The following OPCML variants were observed in gnomAD, a reference collection of about 807,000 sequenced individuals.
The protein encoded by OPCML is opioid binding protein/cell adhesion molecule like.
In OPCML, 13 loss-of-function variants were observed where a neutral mutation model predicts 37.8. The observed-to-expected ratio is 0.34, with a 90% CI of 0.22 to 0.55. OPCML has a LOEUF of 0.55. Among genes scored for constraint, OPCML ranks in the 20% least tolerant of loss-of-function variants. The pLI, the probability that OPCML is intolerant of heterozygous loss-of-function variation, is 0.91. For synonymous variants in OPCML, 176 were observed against 168.8 expected (o/e 1.04, Z -0.33); for missense variants, 341 against 435.6 (o/e 0.78, Z 1.93).
intron 1 of OPCML, among the ~76,000 whole-genome samples, chr11:133,386,405 T>C (rs1945053495): frequency 6.6e-6 from 1 of 152,154 alleles, no homozygotes. Flanking sequence ...TAGTGTACCA[T>C]AAACAATTTG....
intron 1 of OPCML, among the ~76,000 whole-genome samples, chr11:133,294,659 G>T (rs1007894222): frequency 4.6e-5 from 7 of 151,988 alleles, no homozygotes; most frequent in African/African-American, 1.7e-4. Flanking sequence ...AATATAATGT[G>T]CTATGGCTTC....
In OPCML at chr11:132,427,593, A is replaced by T. The variant is rs538785960; in HGVS notation, c.917-7300T>A. Reference sequence around the variant, plus strand: ...ATCTTTCTTCTGTTCTCCTTAACACACCCTGTTTTGTGCTTACTACAAAAA... The same window carrying T: ...ATCTTTCTTCTGTTCTCCTTAACACTCCCTGTTTTGTGCTTACTACAAAAA... On this transcript the variant is annotated intron_variant, in intron 7 of 7. Transcript: ENST00000524381. Among the ~76,000 whole-genome samples the T allele has an allele frequency of 6.6e-5, 10 of 152,258 alleles. No homozygotes were observed. In the East Asian group the frequency reaches 1.2e-3, roughly 18 times the overall value.
intron 2 of OPCML, among the ~76,000 whole-genome samples, chr11:132,830,271 C>T (rs1454716955): frequency 1.3e-5 from 2 of 152,186 alleles, no homozygotes; most frequent in East Asian, 3.8e-4. Flanking sequence ...ACCATGCCAA[C>T]TTCTCTGAGC....
intron 2 of OPCML, among the ~76,000 whole-genome samples, chr11:132,836,207 A>G (rs1225991477): frequency 6.6e-6 from 1 of 152,248 alleles, no homozygotes; most frequent in Non-Finnish European, 1.5e-5. Context: ...TGTCTAATCC[A>G]CAGATAAACA....
chr11:133,021,536 G>A (rs1310089953), intron 1 of OPCML, among the ~76,000 whole-genome samples: 3 of 152,122 alleles, frequency 2.0e-5, no homozygotes, highest in African/African-American at 4.8e-5. Flanking sequence ...GCTGGAGACA[G>A]GATAATCAAG....
At chr11:133,520,182 G>C (rs906113145) in intron 1 of OPCML, among the ~76,000 whole-genome samples, 1 of 152,082 alleles carries the variant, frequency 6.6e-6, no homozygotes, top group Non-Finnish European at 1.5e-5. Flanking sequence ...GCGGACTTTT[G>C]CTGCCCAGAA....
intron 2 of OPCML, among the ~76,000 whole-genome samples, chr11:132,936,053 G>A (rs893463651): frequency 6.6e-5 from 10 of 152,144 alleles, no homozygotes; most frequent in South Asian, 2.1e-4. Context: ...TGTTTGCAGC[G>A]TGCACCATTT....
At chr11:132,544,220 G>GAA (rs138080916) in intron 3 of OPCML, among the ~76,000 whole-genome samples, 5 of 148,404 alleles carry the variant, frequency 3.4e-5, no homozygotes, top group Admixed American at 6.7e-5. Flanking sequence ...TAAAGCACGT[G>GAA]AAAAAAAAAA....
intron 1 of OPCML, among the ~76,000 whole-genome samples, chr11:133,171,207 G>A (rs1950284345): frequency 6.6e-6 from 1 of 152,216 alleles, no homozygotes; most frequent in South Asian, 2.1e-4. Context: ...TTCTGTGGCT[G>A]CAAAAGCACC....
rs747453885 is a variant in OPCML, at chr11:132,657,262, G to A, written c.204C>T (p.Leu68=). ...RVAWLNRSTI[L]YAGNDKWSID... ...TGGACCACTTGTCATTCCCAGCGTA[G>A]AGGATGGTGCTGCGGTTTAGCCAGG... Residue 68 remains leucine, a synonymous_variant, in exon 3 of 8, where the codon CTC becomes CTT. Transcript: ENST00000524381. The A allele has an allele frequency of 6.2e-7, 1 of 1,614,260 alleles. No homozygotes were observed. Among genetic ancestry groups the A allele is most frequent in the Non-Finnish European group, 8.5e-7 (1 of 1,180,052 alleles).
intron 1 of OPCML, among the ~76,000 whole-genome samples, chr11:133,323,389 A>C (rs542983900): frequency 6.6e-6 from 1 of 152,352 alleles, no homozygotes; most frequent in South Asian, 2.1e-4. Flanking sequence ...AATGAAACAA[A>C]TCTGAATGTA....
chr11:133,359,011 T>G (rs761766756), intron 1 of OPCML, among the ~76,000 whole-genome samples: 1 of 152,094 alleles, frequency 6.6e-6, no homozygotes, highest in Non-Finnish European at 1.5e-5. Context: ...GGGGGCCTAC[T>G]GATTGTGGCA....
At chr11:133,185,468 C>T (rs1938028723) in intron 1 of OPCML, among the ~76,000 whole-genome samples, 1 of 152,110 alleles carries the variant, frequency 6.6e-6, no homozygotes. Context: ...GGTAGACAGC[C>T]GTCTACAATG....
At chr11:132,964,638 C>T (rs1226715195) in intron 1 of OPCML, among the ~76,000 whole-genome samples, 3 of 152,170 alleles carry the variant, frequency 2.0e-5, no homozygotes, top group Non-Finnish European at 4.4e-5. Flanking sequence ...CCTACCGCTT[C>T]CTCCTGCCCA....
At chr11:132,582,154 CAG>C (rs1440839686) in intron 3 of OPCML, among the ~76,000 whole-genome samples, 1 of 126,436 alleles carries the variant, frequency 7.9e-6, no homozygotes, top group Non-Finnish European at 1.7e-5. Context: ...GTGTGTGAAA[CAG>C]AGAGAGAGAG....
At chr11:132,857,657 C>G (rs1420438941) in intron 2 of OPCML, among the ~76,000 whole-genome samples, 1 of 152,052 alleles carries the variant, frequency 6.6e-6, no homozygotes, top group Non-Finnish European at 1.5e-5. Flanking sequence ...AAGAAACATG[C>G]AAAGCTATAA....
intron 1 of OPCML, among the ~76,000 whole-genome samples, chr11:133,158,974 G>C (rs74378875): frequency 0.019 from 2,959 of 152,192 alleles, 89 homozygotes; most frequent in African/African-American, 0.063. Context: ...GCACACTCAG[G>C]TGGCATGTTC....
intron 2 of OPCML, among the ~76,000 whole-genome samples, chr11:132,925,476 C>G (rs148812746): frequency 1.2e-3 from 183 of 152,282 alleles, no homozygotes; most frequent in African/African-American, 3.8e-3. Context: ...CAAATGGTTA[C>G]CCTGCTGTAC....
intron 1 of OPCML, among the ~76,000 whole-genome samples, chr11:133,254,447 A>T (rs1341118959): frequency 6.6e-6 from 1 of 152,224 alleles, no homozygotes; most frequent in Non-Finnish European, 1.5e-5. Flanking sequence ...TACCACACCA[A>T]GGATTTTATC....
Sources: allele counts gnomAD v4.1 joint callset (sites outside exome capture counted in the v4.1 genomes callset), GRCh38; gene constraint gnomAD v4.1.1; transcripts MANE v1.5; gene names NCBI Gene and HGNC (gene_info 2026-07-23, HGNC 2026-07-21).